Variants in ZBTB16 observed in about 807,000 individuals in gnomAD.
ZBTB16 encodes the protein zinc finger and BTB domain containing 16.
Under a neutral mutation model 56.8 loss-of-function variants are expected in ZBTB16, and 8 were observed. The ratio of observed to expected loss-of-function variants is 0.14; its 90% CI spans 0.08 to 0.25. The LOEUF (loss-of-function observed/expected upper bound fraction) is 0.25, where lower values mean the gene tolerates loss of function less well. Ranked by LOEUF, ZBTB16 falls within the 10% of genes least tolerant of loss-of-function variation. ZBTB16 has a pLI of 1.00. For synonymous variants in ZBTB16, 363 were observed against 368.5 expected (o/e 0.98, Z 0.17); for missense variants, 625 against 903.0 (o/e 0.69, Z 3.95).
At chr11:114,075,795 T>A (rs1209316299) in intron 2 of ZBTB16, among the ~76,000 whole-genome samples, 1 of 152,124 alleles carries the variant, frequency 6.6e-6, no homozygotes, top group African/African-American at 2.4e-5. Context: ...TTAAAAAGAA[T>A]GGCATAGTGC....
chr11:114,086,969 C>A (rs925824437), intron 2 of ZBTB16, among the ~76,000 whole-genome samples: 42 of 152,216 alleles, frequency 2.8e-4, no homozygotes, highest in Non-Finnish European at 7.3e-5. Flanking sequence ...GCCAACTTCT[C>A]CCCCTCCTCC....
chr11:114,233,173 G>C (rs1944495116), intron 4 of ZBTB16, among the ~76,000 whole-genome samples: 1 of 150,304 alleles, frequency 6.7e-6, no homozygotes, highest in Admixed American at 6.7e-5. Context: ...CTTGCTCTTG[G>C]AGAAGTTTTA....
chr11:114,168,722 G>A (rs184907363), intron 3 of ZBTB16, among the ~76,000 whole-genome samples: 3 of 152,300 alleles, frequency 2.0e-5, no homozygotes, highest in Admixed American at 6.5e-5. Flanking sequence ...GTGCCTAAAT[G>A]CCTGCTTCTC....
rs1357301116 is a variant in ZBTB16, at chr11:114,253,734, C to G, written c.*3179C>G. Among the ~76,000 whole-genome samples, 2 of 152,200 alleles carry G rather than the reference C, an allele frequency of 1.3e-5. No homozygotes were observed. The highest frequency in any genetic ancestry group is 4.8e-5 in the African/African-American group (2 of 41,442). On this transcript the variant is annotated 3_prime_UTR_variant, in exon 7 of 7. Transcript: ENST00000335953. ...TCTAACATGCCTCTTCTCCAACTTC[C>G]TACCTACAACAACAGAACAGTTCTA...
intron 2 of ZBTB16, among the ~76,000 whole-genome samples, chr11:114,078,354 T>C (rs1939642881): frequency 6.6e-6 from 1 of 152,240 alleles, no homozygotes; most frequent in African/African-American, 2.4e-5. Flanking sequence ...AAGCAATTGA[T>C]GCTCAGAAAA....
In ZBTB16 at chr11:114,133,631, C is replaced by T. The variant is rs138687740; in HGVS notation, c.1269-22706C>T. 5.6e-3 allele frequency among the ~76,000 whole-genome samples: 845 copies of T among 152,228 alleles called. 6 individuals carry two copies. Among genetic ancestry groups the T allele is most frequent in the African/African-American group, 0.018 (758 of 41,548 alleles). On this transcript the variant is annotated intron_variant, in intron 2 of 6. Coordinates refer to ENST00000335953, the MANE Select transcript of ZBTB16 (RefSeq NM_006006.6). ...TCCTGTGGTCCCTTTAGTGACCCCACGCATAAGGCAGGAAAATTGGGCCTC... is the reference window on the plus strand; with the variant it reads ...TCCTGTGGTCCCTTTAGTGACCCCATGCATAAGGCAGGAAAATTGGGCCTC...
intron 3 of ZBTB16, among the ~76,000 whole-genome samples, chr11:114,178,314 A>T (rs974891317): frequency 6.6e-6 from 1 of 152,196 alleles, no homozygotes; most frequent in Non-Finnish European, 1.5e-5. Flanking sequence ...GGTATTAAAC[A>T]CTTTACATAT....
At chr11:114,173,918 A>G (rs556065441) in intron 3 of ZBTB16, among the ~76,000 whole-genome samples, 110 of 152,248 alleles carry the variant, frequency 7.2e-4, no homozygotes, top group Non-Finnish European at 1.2e-3. Flanking sequence ...CTTAGAAGTC[A>G]AAAGGAGAAT....
chr11:114,176,631 G>A (rs1052834791), intron 3 of ZBTB16, among the ~76,000 whole-genome samples: 3 of 152,170 alleles, frequency 2.0e-5, no homozygotes, highest in South Asian at 2.1e-4. Flanking sequence ...TTGAGCTCTC[G>A]TGTACGGCCA....
At chr11:114,076,381 C>G (rs1428464952) in intron 2 of ZBTB16, among the ~76,000 whole-genome samples, 1 of 152,194 alleles carries the variant, frequency 6.6e-6, no homozygotes, top group Non-Finnish European at 1.5e-5. Context: ...CACGCACGCT[C>G]ACGGAGGCAA....
At chr11:114,153,363 T>C (rs1942323826) in intron 2 of ZBTB16, among the ~76,000 whole-genome samples, 1 of 152,190 alleles carries the variant, frequency 6.6e-6, no homozygotes. Context: ...TCATGTGAAA[T>C]CACATGGACA....
At chr11:114,073,179 C>G (rs1939413764) in intron 2 of ZBTB16, among the ~76,000 whole-genome samples, 1 of 151,946 alleles carries the variant, frequency 6.6e-6, no homozygotes, top group Non-Finnish European at 1.5e-5. Context: ...CTCAGTTCCT[C>G]TGGTGGCTTC....
chr11:114,094,315 A>AAAAAAAT (rs1940301415), intron 2 of ZBTB16, among the ~76,000 whole-genome samples: 3 of 152,020 alleles, frequency 2.0e-5, no homozygotes, highest in Non-Finnish European at 4.4e-5. Flanking sequence ...ACTCCGTCTC[A>AAAAAAAT]AAAAAATAAA....
intron 3 of ZBTB16, among the ~76,000 whole-genome samples, chr11:114,180,415 C>G (rs1943220900): frequency 6.6e-6 from 1 of 152,174 alleles, no homozygotes; most frequent in Admixed American, 6.5e-5. Context: ...GCAGGAGGCT[C>G]ACTGACTGTA....
chr11:114,244,774 C>T (rs1338752156), intron 5 of ZBTB16, among the ~76,000 whole-genome samples: 1 of 152,096 alleles, frequency 6.6e-6, no homozygotes, highest in Non-Finnish European at 1.5e-5. Context: ...CAAACAAACT[C>T]CTCTGTCTTA....
chr11:114,162,086 G>C (rs1411028887), intron 3 of ZBTB16, among the ~76,000 whole-genome samples: 1 of 152,212 alleles, frequency 6.6e-6, no homozygotes, highest in African/African-American at 2.4e-5. Flanking sequence ...AAAGAATGAA[G>C]GCTTTCGTTG....
intron 3 of ZBTB16, among the ~76,000 whole-genome samples, chr11:114,157,061 G>T (rs1942433783): frequency 6.6e-6 from 1 of 152,140 alleles, no homozygotes; most frequent in Non-Finnish European, 1.5e-5. Flanking sequence ...CTTTAGTTGT[G>T]GAGGCCTCAA....
Position 114,255,031 on chromosome 11 carries a change from A to G in ZBTB16, c.*4476A>G, listed in dbSNP as rs568623720. ...TGTGTATCATAGGATTTGTTCACAT[A>G]GTGTTATGCATGATCTTCGTAAGGT... On this transcript the variant is annotated 3_prime_UTR_variant, in exon 7 of 7. Coordinates refer to ENST00000335953, the MANE Select transcript of ZBTB16 (RefSeq NM_006006.6). Among the ~76,000 whole-genome samples, 630 of 152,288 alleles carry G rather than the reference A, an allele frequency of 4.1e-3. 3 individuals carry two copies. The highest frequency in any genetic ancestry group is 5.7e-3 in the Non-Finnish European group (391 of 68,020).
chr11:114,076,779 A>G (rs1053830177), intron 2 of ZBTB16, among the ~76,000 whole-genome samples: 2 of 152,134 alleles, frequency 1.3e-5, no homozygotes, highest in Non-Finnish European at 2.9e-5. Flanking sequence ...GCAGACCTAT[A>G]TAGGGCCCAT....
Sources: gnomAD v4.1 joint callset for allele counts (sites outside exome capture counted in the v4.1 genomes callset) on GRCh38, gnomAD v4.1.1 for gene constraint, MANE v1.5 for transcripts, NCBI Gene and HGNC (gene_info 2026-07-23, HGNC 2026-07-21) for gene names.